The following PPP1R42 variants were observed in gnomAD, a reference collection of about 807,000 sequenced individuals.
The protein encoded by PPP1R42 is protein phosphatase 1 regulatory subunit 42.
PPP1R42 carries 34 observed loss-of-function variants against 31.0 expected under a neutral mutation model. The observed-to-expected ratio is 1.10, with a 90% CI of 0.83 to 1.46. The LOEUF (loss-of-function observed/expected upper bound fraction) is 1.46. Ranked by LOEUF, PPP1R42 falls within the 40% of genes most tolerant of loss-of-function variation. PPP1R42 has a pLI of 0.00. For synonymous variants in PPP1R42, 103 were observed against 109.8 expected (o/e 0.94, Z 0.39); for missense variants, 268 against 303.0 (o/e 0.88, Z 0.86).
At chr8:67,010,275 T>C (rs1000321949) in intron 5 of PPP1R42, among the ~76,000 whole-genome samples, 3 of 152,204 alleles carry the variant, frequency 2.0e-5, no homozygotes, top group Non-Finnish European at 4.4e-5. Flanking sequence ...GACATTAATA[T>C]AGCTGGTAGA....
chr8:67,013,816 T>G (rs1815917854), intron 3 of PPP1R42, among the ~76,000 whole-genome samples: 1 of 152,222 alleles, frequency 6.6e-6, no homozygotes, highest in African/African-American at 2.4e-5. Context: ...CTCTGCATTT[T>G]TAATAAGCAT....
intron 1 of PPP1R42, among the ~76,000 whole-genome samples, chr8:67,019,668 G>A (rs921560447): frequency 4.0e-5 from 6 of 151,640 alleles, no homozygotes; most frequent in African/African-American, 9.7e-5. Flanking sequence ...CGAGGCGGGC[G>A]GATCACAAGG....
intron 6 of PPP1R42, chr8:66,986,193 G>A (rs1163457812): frequency 1.7e-6 from 1 of 585,008 alleles, no homozygotes; most frequent in African/African-American, 1.9e-5. Flanking sequence ...CCACCTTGGA[G>A]CCTCCCAAAT....
intron 7 of PPP1R42, among the ~76,000 whole-genome samples, chr8:66,973,668 A>G (rs1475959667): frequency 6.6e-6 from 1 of 152,164 alleles, no homozygotes; most frequent in Non-Finnish European, 1.5e-5. Flanking sequence ...CCTTAGGTAC[A>G]ATATCGTATA....
At chr8:67,023,260 G>A (rs566990492) in intron 1 of PPP1R42, among the ~76,000 whole-genome samples, 35 of 152,082 alleles carry the variant, frequency 2.3e-4, no homozygotes, top group Admixed American at 2.6e-4. Context: ...ACAAGCCTGC[G>A]CCAGCATGCC....
intron 1 of PPP1R42, among the ~76,000 whole-genome samples, chr8:67,027,704 G>C (rs550083587): frequency 1.3e-5 from 2 of 152,236 alleles, no homozygotes; most frequent in South Asian, 4.1e-4. Flanking sequence ...ATATATTTTA[G>C]AACATTATAA....
intron 1 of PPP1R42, among the ~76,000 whole-genome samples, chr8:67,026,016 A>G (rs1440703505): frequency 6.7e-6 from 1 of 148,894 alleles, no homozygotes; most frequent in African/African-American, 2.5e-5. Context: ...AAAAAAAAAA[A>G]AAAGAAAAAA....
At chr8:67,018,814 GC>G (rs55943057) in intron 1 of PPP1R42, among the ~76,000 whole-genome samples, 311 of 3,660 alleles carry the variant, frequency 0.085, 33 homozygotes, top group African/African-American at 0.22. Context: ...CCTGGCCCCC[GC>G]CCCCCCCCCC....
At chr8:66,981,152 G>A (rs1287787818) in intron 7 of PPP1R42, among the ~76,000 whole-genome samples, 2 of 151,972 alleles carry the variant, frequency 1.3e-5, no homozygotes, top group African/African-American at 4.8e-5. Context: ...AGACTAGTCA[G>A]TTCTTGGATG....
At chr8:66,979,231 G>A (rs138831119) in intron 7 of PPP1R42, among the ~76,000 whole-genome samples, 183 of 152,194 alleles carry the variant, frequency 1.2e-3, no homozygotes, top group African/African-American at 4.3e-3. Flanking sequence ...TTTTTGCTTA[G>A]GGTGATAGCT....
intron 6 of PPP1R42, chr8:66,985,989 T>C: frequency 4.0e-6 from 3 of 746,198 alleles, no homozygotes; most frequent in Non-Finnish European, 7.5e-6. Context: ...ACTGCTAGAC[T>C]TGGAATGCCT....
chr8:67,020,199 G>T (rs1014972277), intron 1 of PPP1R42, among the ~76,000 whole-genome samples: 17 of 150,638 alleles, frequency 1.1e-4, no homozygotes, highest in African/African-American at 4.0e-4. Flanking sequence ...TGTTTTTGTT[G>T]TTGTTGTTGT....
intron 7 of PPP1R42, among the ~76,000 whole-genome samples, chr8:66,969,021 T>C (rs1178264193): frequency 6.6e-6 from 1 of 152,228 alleles, no homozygotes; most frequent in African/African-American, 2.4e-5. Context: ...ATCTTTGCAG[T>C]ACATAGTAGT....
At chr8:66,985,522 T>G in intron 6 of PPP1R42, 7 of 1,231,756 alleles carry the variant, frequency 5.7e-6, no homozygotes, top group Non-Finnish European at 7.2e-6. Context: ...GCCCATGTCA[T>G]GGAGATTAGA....
chr8:66,973,953 A>G (rs1814603025), intron 7 of PPP1R42, among the ~76,000 whole-genome samples: 1 of 152,212 alleles, frequency 6.6e-6, no homozygotes, highest in South Asian at 2.1e-4. Context: ...TCCGTGTTCC[A>G]TTTAATATAC....
At chr8:67,017,292 A>G (rs992796947) in intron 2 of PPP1R42, among the ~76,000 whole-genome samples, 6 of 152,092 alleles carry the variant, frequency 3.9e-5, no homozygotes, top group African/African-American at 1.4e-4. Context: ...AGAACTCAAC[A>G]TGGTAAACCT....
At chr8:67,002,649 CT>C (rs1415476323) in intron 5 of PPP1R42, among the ~76,000 whole-genome samples, 1 of 145,616 alleles carries the variant, frequency 6.9e-6, no homozygotes, top group African/African-American at 2.5e-5. Context: ...TTTGGGGCCA[CT>C]TTTTTTGTTG....
At chr8:66,988,575 G>A in intron 5 of PPP1R42, 58 bp from the exon 6 acceptor site, 8 of 1,441,664 alleles carry the variant, frequency 5.5e-6, no homozygotes, top group Non-Finnish European at 7.5e-6. Flanking sequence ...AATACTTCTA[G>A]CATGTCAGTT....
chr8:67,026,642 C>T (rs966401346), intron 1 of PPP1R42, among the ~76,000 whole-genome samples: 2 of 151,886 alleles, frequency 1.3e-5, no homozygotes, highest in Non-Finnish European at 2.9e-5. Context: ...TCGAGACCAG[C>T]CTGAGCAACA....
Sources: allele counts gnomAD v4.1 joint callset (sites outside exome capture counted in the v4.1 genomes callset), GRCh38; gene constraint gnomAD v4.1.1; transcripts MANE v1.5; gene names NCBI Gene and HGNC (gene_info 2026-07-23, HGNC 2026-07-21).